Variants in KDM4B observed in about 807,000 individuals in gnomAD.
The protein encoded by KDM4B is lysine demethylase 4B.
KDM4B carries 32 observed loss-of-function variants against 125.2 expected under a neutral mutation model. The observed-to-expected ratio is 0.26, with a 90% confidence interval of 0.19 to 0.34. KDM4B has a LOEUF of 0.34. Among genes scored for constraint, KDM4B ranks in the 10% least tolerant of loss-of-function variants. The pLI is 1.00. For synonymous variants in KDM4B, 721 were observed against 677.9 expected, an observed-to-expected ratio of 1.06 and a Z score of -0.99; for missense variants, 1,190 against 1,577.7, an observed-to-expected ratio of 0.75 and a Z score of 4.16.
chr19:5,111,746 CA>C (rs149603723), intron 10 of KDM4B: 27 of 764,882 alleles, frequency 3.5e-5, no homozygotes, highest in Non-Finnish European at 6.0e-5. Flanking sequence ...GGCCAGAGAG[CA>C]AACATTTGTG....
chr19:4,987,108 G>A (rs540244977), intron 1 of KDM4B, among the ~76,000 whole-genome samples: 62 of 152,106 alleles, frequency 4.1e-4, no homozygotes, highest in African/African-American at 1.2e-3. Flanking sequence ...ACAGGCGCCC[G>A]CCACTACGCC....
At chr19:5,055,369 G>A (rs2037363115) in intron 6 of KDM4B, among the ~76,000 whole-genome samples, 1 of 152,254 alleles carries the variant, frequency 6.6e-6, no homozygotes, top group Admixed American at 6.5e-5. Flanking sequence ...TTCGGGGACT[G>A]CAGAGCAATT....
In KDM4B at chr19:5,152,526, C is replaced by A. The variant is rs895432596; in HGVS notation, c.*1015C>A. ...TCTTCGGGTACAACCCTGAGCAGGT[C>A]GGGGGACACAGGGCCGAGGCAGGCC... On this transcript the variant is annotated 3_prime_UTR_variant, in exon 23 of 23. Transcript: ENST00000159111. 3 of 152,274 alleles carry A rather than the reference C, an allele frequency of 2.0e-5. No homozygotes were observed. The highest frequency in any genetic ancestry group is 4.4e-5 in the Non-Finnish European group (3 of 68,090). The allele number at this position is 152,274 out of a possible 1,614,324, so 9.4% of individuals were successfully genotyped here.
chr19:5,142,071 C>T lies in KDM4B; in HGVS notation c.2551-1896C>T, dbSNP rs916007603. ...TGAGGACACAGCTTCATGGGTGGTA[C>T]CTAGCGGTGACCACCTGCTTCCTCC... is the stretch of plus-strand genomic sequence containing the variant. On this transcript the variant is annotated intron_variant, in intron 18 of 22. Transcript: ENST00000159111. The surrounding 1 kb of genome is among the most constrained non-coding windows in gnomAD (Gnocchi z 5.4). Among the ~76,000 whole-genome samples the T allele has an allele frequency of 3.9e-5, 6 of 152,036 alleles. No individual in the cohort carries two copies. Among genetic ancestry groups the T allele is most frequent in the African/African-American group, 1.4e-4 (6 of 41,438 alleles).
intron 1 of KDM4B, among the ~76,000 whole-genome samples, chr19:4,998,130 G>A (rs1471830881): frequency 6.6e-6 from 1 of 152,228 alleles, no homozygotes; most frequent in Non-Finnish European, 1.5e-5. Context: ...CCCGCTCTGT[G>A]TGGCTCCATC....
chr19:4,976,578 T>C (rs2034453220), intron 1 of KDM4B, among the ~76,000 whole-genome samples: 1 of 152,210 alleles, frequency 6.6e-6, no homozygotes, highest in Admixed American at 6.5e-5. Flanking sequence ...TTCACAAGGC[T>C]TTTGTTTTGT....
chr19:5,119,203 A>C (rs2039312114), intron 10 of KDM4B: 2 of 1,533,698 alleles, frequency 1.3e-6, no homozygotes, highest in Non-Finnish European at 1.7e-6. Flanking sequence ...AGAGCAGACC[A>C]AAAGGCCGGG....
chr19:5,065,940 C>T (rs930294191), intron 6 of KDM4B, among the ~76,000 whole-genome samples: 1 of 152,212 alleles, frequency 6.6e-6, no homozygotes, highest in Non-Finnish European at 1.5e-5. Flanking sequence ...TCTCAGCTCG[C>T]TGGCTGAGCC....
At chr19:5,069,286 C>T (rs2037871628) in intron 6 of KDM4B, among the ~76,000 whole-genome samples, 1 of 152,010 alleles carries the variant, frequency 6.6e-6, no homozygotes, top group African/African-American at 2.4e-5. Flanking sequence ...CTGCCCCCTC[C>T]TTATTTATTT....
At chr19:5,138,135 C>A in intron 18 of KDM4B, 65 bp downstream of exon 18, 6 of 1,242,148 alleles carry the variant, frequency 4.8e-6, no homozygotes, top group Non-Finnish European at 6.9e-6. Flanking sequence ...TGCTCGGCTC[C>A]CCACCTGCGC....
chr19:5,114,324 C>A lies in KDM4B; in HGVS notation c.1115+3506C>A. 1.0e-6 allele frequency: 1 copy of A among 961,850 alleles called. No homozygotes were observed. Among genetic ancestry groups the A allele is most frequent in the Non-Finnish European group, 1.5e-6 (1 of 689,410 alleles). The allele number at this position is 961,850 out of a possible 1,614,324, so 59.6% of individuals were successfully genotyped here. A position where few individuals can be genotyped will look rare whatever the true frequency, so the allele number is the denominator to read the frequency against. Reference sequence around the variant, plus strand: ...CTGGGCCCAGGCCTCGTCTCCCCTACCCCTCCGAGCTCGGTGCTGCCTGTC... The same window carrying A: ...CTGGGCCCAGGCCTCGTCTCCCCTAACCCTCCGAGCTCGGTGCTGCCTGTC... On this transcript the variant is annotated intron_variant, in intron 10 of 22. Coordinates refer to ENST00000159111, the MANE Select transcript of KDM4B (RefSeq NM_015015.3). The surrounding 1 kb of genome is among the most constrained non-coding windows in gnomAD (Gnocchi z 5.8).
chr19:5,009,276 G>A (rs1462121557), intron 1 of KDM4B, among the ~76,000 whole-genome samples: 2 of 152,178 alleles, frequency 1.3e-5, no homozygotes, highest in Non-Finnish European at 1.5e-5. Context: ...GTATCAATAA[G>A]GATATGAAGG....
At chr19:5,097,329 C>A (rs1179767953) in intron 9 of KDM4B, among the ~76,000 whole-genome samples, 1 of 152,234 alleles carries the variant, frequency 6.6e-6, no homozygotes, top group African/African-American at 2.4e-5. Context: ...TAGCTCACTG[C>A]AGCCTTGACC....
intron 9 of KDM4B, 112 bp from the exon 10 acceptor site, chr19:5,110,510 G>A: frequency 1.1e-6 from 1 of 941,468 alleles, no homozygotes; most frequent in Non-Finnish European, 1.7e-6. Flanking sequence ...GCTCAGCGGT[G>A]GGATGGGGTG....
chr19:5,005,850 G>C (rs2035540253), intron 1 of KDM4B, among the ~76,000 whole-genome samples: 1 of 152,092 alleles, frequency 6.6e-6, no homozygotes, highest in Non-Finnish European at 1.5e-5. Context: ...GCTTGGCACT[G>C]GCCCTGGGGG....
chr19:5,006,125 G>A (rs117731226), intron 1 of KDM4B, among the ~76,000 whole-genome samples: 12,436 of 152,048 alleles, frequency 0.082, 692 homozygotes, highest in Admixed American at 0.13. Context: ...CCAGGATGGT[G>A]CTGGTCCCGC....
At chr19:5,103,312 T>C (rs1050302198) in intron 9 of KDM4B, among the ~76,000 whole-genome samples, 12 of 152,376 alleles carry the variant, frequency 7.9e-5, no homozygotes, top group African/African-American at 2.9e-4. Flanking sequence ...CCATCGACAT[T>C]CTGATTTGTA....
At chr19:5,031,755 G>A (rs2036467179) in intron 2 of KDM4B, among the ~76,000 whole-genome samples, 1 of 152,164 alleles carries the variant, frequency 6.6e-6, no homozygotes, top group South Asian at 2.1e-4. Flanking sequence ...CTGCCGTCCT[G>A]CTCAGATTCC....
At chr19:4,999,984 CCT>C (rs1216524379) in intron 1 of KDM4B, among the ~76,000 whole-genome samples, 3 of 135,154 alleles carry the variant, frequency 2.2e-5, no homozygotes, top group South Asian at 5.3e-4. Context: ...CATCTATCCC[CCT>C]GTCCACCCAC....
Sources: gnomAD v4.1 joint callset for allele counts (sites outside exome capture counted in the v4.1 genomes callset) on GRCh38, gnomAD v4.1.1 for gene constraint, Gnocchi (gnomAD v3.1) non-coding constraint, MANE v1.5 for transcripts, NCBI Gene and HGNC (gene_info 2026-07-23, HGNC 2026-07-21) for gene names.